DHTKD1: variants seen among roughly 807,000 people sequenced by gnomAD.
DHTKD1 encodes the protein dehydrogenase E1 and transketolase domain containing 1.
Under a neutral mutation model 101.8 loss-of-function variants are expected in DHTKD1, and 78 were observed. The ratio of observed to expected loss-of-function variants is 0.77; its 90% CI spans 0.64 to 0.93. The LOEUF (loss-of-function observed/expected upper bound fraction) is 0.93. Among genes scored for constraint, DHTKD1 ranks in the 40% least tolerant of loss-of-function variants. The pLI is 0.00. For synonymous variants in DHTKD1, 462 were observed against 450.3 expected, an observed-to-expected ratio of 1.03 and a Z score of -0.33; for missense variants, 1,223 against 1,161.7, an observed-to-expected ratio of 1.05 and a Z score of -0.77.
intron 2 of DHTKD1, among the ~76,000 whole-genome samples, chr10:12,081,868 A>G (rs1047143910): frequency 1.3e-5 from 2 of 151,822 alleles, no homozygotes; most frequent in Non-Finnish European, 1.5e-5. Flanking sequence ...GCTGACACCC[A>G]TAATCCCAGC....
At chr10:12,118,668 T>C (rs111851612) in intron 14 of DHTKD1, 81 bp from the exon 15 acceptor site, 24,749 of 1,227,188 alleles carry the variant, frequency 0.02, 324 homozygotes, top group Middle Eastern at 0.028. Context: ...AGGCGTGAGC[T>C]ACTGCACCTG....
chr10:12,118,502 C>G (rs531250170), intron 14 of DHTKD1, among the ~76,000 whole-genome samples: 6 of 151,734 alleles, frequency 4.0e-5, no homozygotes, highest in African/African-American at 1.5e-4. Context: ...CCTGCCTTAG[C>G]CTCCCGAGTA....
chr10:12,090,449 T>C (rs982232421), intron 5 of DHTKD1, among the ~76,000 whole-genome samples: 1 of 129,088 alleles, frequency 7.7e-6, no homozygotes, highest in South Asian at 2.6e-4. Flanking sequence ...CCTTCCTTCC[T>C]TCCTTCCTTC....
At position 12,069,185 on chromosome 10, in the gene DHTKD1, C is replaced by A. The variant is rs768842115; in HGVS notation, c.152C>A (p.Pro51Gln). The A allele has an allele frequency of 1.3e-6, 2 of 1,547,362 alleles. No homozygotes were observed. The highest frequency in any genetic ancestry group is 2.5e-5 in the East Asian group (1 of 40,718). ...CCCCAGGGCGCCCTGGAGCGCCCCCCAGGTCGGGGATGGGGCCCGGGCGGT... is the reference window on the plus strand; with the variant it reads ...CCCCAGGGCGCCCTGGAGCGCCCCCAAGGTCGGGGATGGGGCCCGGGCGGT... ...REPQGALERP[P>Q]VDHGLARLVT... The change falls in exon 1 of 17, where the codon CCA becomes CAA. Residue 51 changes from proline (P) to glutamine (Q), a missense_variant and splice_region_variant. Transcript: ENST00000263035.
intron 6 of DHTKD1, among the ~76,000 whole-genome samples, chr10:12,093,064 A>C (rs1402309735): frequency 2.2e-5 from 3 of 137,306 alleles, no homozygotes; most frequent in African/African-American, 8.0e-5. Flanking sequence ...TTTTTTTGAG[A>C]TGGAGTTTCG....
At position 12,103,534 on chromosome 10, in the gene DHTKD1, T is replaced by C. The variant is rs1156865243; in HGVS notation, c.1896+2353T>C. On this transcript the variant is annotated intron_variant, in intron 10 of 16. Transcript: ENST00000263035. The surrounding 1 kb of genome is among the most constrained non-coding windows in gnomAD (Gnocchi z 4.8). ...GTGTGTGTGTGTGTGTGTGTATGTA[T>C]GTGACAGGTCCTCCTCTGTTGCCTA... Among the ~76,000 whole-genome samples, 2 of 150,800 alleles carry C rather than the reference T, an allele frequency of 1.3e-5. No individual in the cohort carries two copies. The highest frequency in any genetic ancestry group is 1.5e-5 in the Non-Finnish European group (1 of 67,808).
At chr10:12,074,172 TTTTTGTTTTGTTTTG>T (rs71382614) in intron 1 of DHTKD1, among the ~76,000 whole-genome samples, 1 of 150,418 alleles carries the variant, frequency 6.6e-6, no homozygotes, top group Non-Finnish European at 1.5e-5. Flanking sequence ...AAAGTTTTGC[TTTTTGTTTTGTTTTG>T]TTTTGTTTTG....
At chr10:12,069,275 GAAC>G in intron 1 of DHTKD1, 88 bp downstream of exon 1, 1 of 736,098 alleles carries the variant, frequency 1.4e-6, no homozygotes, top group Non-Finnish European at 1.9e-6. Flanking sequence ...CGGGGTCGGG[GAAC>G]CGGCTGCCGG....
chr10:12,074,619 A>C (rs1832699100), intron 1 of DHTKD1, among the ~76,000 whole-genome samples: 1 of 149,836 alleles, frequency 6.7e-6, no homozygotes, highest in South Asian at 2.1e-4. Flanking sequence ...CGGCCTCCCA[A>C]AGTGCTGGGA....
chr10:12,089,765 G>A (rs201493394), intron 5 of DHTKD1, among the ~76,000 whole-genome samples: 2 of 151,936 alleles, frequency 1.3e-5, no homozygotes, highest in African/African-American at 2.4e-5. Flanking sequence ...CTGCCTCCTG[G>A]GTTCAAGTGA....
intron 8 of DHTKD1, among the ~76,000 whole-genome samples, chr10:12,099,677 G>A (rs1833126118): frequency 6.6e-6 from 1 of 151,888 alleles, no homozygotes; most frequent in South Asian, 2.1e-4. Flanking sequence ...GACAGAGTGA[G>A]ACTGCCTCAG....
intron 15 of DHTKD1, 114 bp downstream of exon 15, chr10:12,119,032 C>A: frequency 1.9e-6 from 2 of 1,060,540 alleles, no homozygotes; most frequent in Non-Finnish European, 1.3e-6. Flanking sequence ...TTGGGCCGGG[C>A]GCGGTGGCTC....
At chr10:12,081,070 G>T (rs1232126334) in intron 1 of DHTKD1, among the ~76,000 whole-genome samples, 1 of 151,882 alleles carries the variant, frequency 6.6e-6, no homozygotes, top group Non-Finnish European at 1.5e-5. Flanking sequence ...GGAGGCCGAG[G>T]CGGGCAGATC....
intron 10 of DHTKD1, among the ~76,000 whole-genome samples, chr10:12,105,393 G>T (rs1044042062): frequency 3.9e-5 from 6 of 151,988 alleles, no homozygotes; most frequent in Non-Finnish European, 8.8e-5. Context: ...ATAGCTCACT[G>T]TAGTTTCAAC....
At chr10:12,105,378 C>T (rs9329335) in intron 10 of DHTKD1, among the ~76,000 whole-genome samples, 134,285 of 152,056 alleles carry the variant, frequency 0.88, 59,477 homozygotes, top group East Asian at 0.98. Context: ...TGCAGTGGTG[C>T]GATTATAGCT....
intron 14 of DHTKD1, 33 bp downstream of exon 14, chr10:12,117,788 G>C: frequency 7.8e-7 from 1 of 1,278,422 alleles, no homozygotes; most frequent in Non-Finnish European, 1.1e-6. Context: ...CATATTCTGT[G>C]GCAGAATTTT....
chr10:12,080,292 T>G (rs1198798758), intron 1 of DHTKD1, among the ~76,000 whole-genome samples: 1 of 74,892 alleles, frequency 1.3e-5, no homozygotes, highest in Non-Finnish European at 2.4e-5. Flanking sequence ...AGAGCAAGAC[T>G]CCGTCTCAAA....
At chr10:12,099,429 G>A (rs933918915) in intron 8 of DHTKD1, among the ~76,000 whole-genome samples, 1 of 152,118 alleles carries the variant, frequency 6.6e-6, no homozygotes, top group Non-Finnish European at 1.5e-5. Flanking sequence ...GCTCACTCCT[G>A]TAATCTGAGA....
At chr10:12,095,812 C>CAAAAAAAAAAAAAAAAAAAA (rs1185585860) in intron 7 of DHTKD1, among the ~76,000 whole-genome samples, 10 of 41,492 alleles carry the variant, frequency 2.4e-4, no homozygotes, top group South Asian at 1.8e-3. Context: ...GACTCCGTCT[C>CAAAAAAAAAAAAAAAAAAAA]AAAAAAAAAA....
Sources: allele counts gnomAD v4.1 joint callset (sites outside exome capture counted in the v4.1 genomes callset), GRCh38; gene constraint gnomAD v4.1.1; non-coding constraint Gnocchi (gnomAD v3.1); transcripts MANE v1.5; gene names NCBI Gene and HGNC (gene_info 2026-07-23, HGNC 2026-07-21).